Variants in RASA2 observed in about 807,000 individuals in gnomAD.
RASA2 encodes RAS p21 protein activator 2, also known as ras GTPase-activating protein 2.
In RASA2, 155 loss-of-function variants were observed where a neutral mutation model predicts 118.2. That is an observed-to-expected ratio of 1.31 (90% CI 1.15 to 1.50). The LOEUF is 1.50. RASA2 is among the 40% of genes most tolerant of loss of function. RASA2 has a pLI of 0.00. For synonymous variants in RASA2, 353 were observed against 349.1 expected (o/e 1.01, Z -0.12); for missense variants, 1,016 against 1,009.6 (o/e 1.01, Z -0.09).
intron 1 of RASA2, among the ~76,000 whole-genome samples, chr3:141,498,956 C>T (rs996509450): frequency 6.6e-6 from 1 of 152,170 alleles, no homozygotes; most frequent in Admixed American, 6.5e-5. Context: ...GATCAGCACA[C>T]ATTCAAAACT....
intron 8 of RASA2, 130 bp downstream of exon 8, chr3:141,559,092 T>A: frequency 3.2e-6 from 2 of 621,556 alleles, no homozygotes; most frequent in Non-Finnish European, 5.5e-6. Context: ...CTTAGAGGAA[T>A]ATGCAACTAA....
At chr3:141,567,340 C>G (rs1269725051) in intron 9 of RASA2, among the ~76,000 whole-genome samples, 1 of 151,988 alleles carries the variant, frequency 6.6e-6, no homozygotes, top group African/African-American at 2.4e-5. Context: ...CGCTTGAACC[C>G]GGGAGGCAGA....
rs1317469088 is a variant in RASA2, at chr3:141,586,897, A to C, written c.1933+145A>C. The C allele has an allele frequency of 6.8e-6, 5 of 734,274 alleles. No individual in the cohort carries two copies. The Admixed American group carries it at 1.0e-4, about 15-fold the overall frequency. 45.5% of individuals were successfully genotyped at this position (734,274 alleles called of 1,614,324 possible). On this transcript the variant is annotated intron_variant, in intron 19 of 23. Coordinates refer to ENST00000286364, the MANE Select transcript of RASA2 (RefSeq NM_006506.5). Reference sequence around the variant, plus strand: ...CACTGATACATACGTACTAAGAATGAAAAAATATTTGACAGTAACCCCATG... The same window carrying C: ...CACTGATACATACGTACTAAGAATGCAAAAATATTTGACAGTAACCCCATG...
chr3:141,565,232 G>T (rs565964713), intron 9 of RASA2, among the ~76,000 whole-genome samples: 1 of 152,126 alleles, frequency 6.6e-6, no homozygotes, highest in Non-Finnish European at 1.5e-5. Flanking sequence ...TGATCCACCC[G>T]CCTTGGCCTC....
rs188171367 is a variant in RASA2, at chr3:141,571,786, T to C, written c.1169+232T>C. ...TTTTTCTTTAACTCAGGAAATTTCA[T>C]TTGTTACTAATCTGCTTCTTAGTGT... On this transcript the variant is annotated intron_variant, in intron 11 of 23. Transcript: ENST00000286364. 1.4e-4 allele frequency among the ~76,000 whole-genome samples: 21 copies of C among 152,228 alleles called. No individual in the cohort carries two copies. The East Asian group carries it at 4.1e-3, about 29-fold the overall frequency.
At chr3:141,566,907 C>T (rs1473332759) in intron 9 of RASA2, among the ~76,000 whole-genome samples, 3 of 152,122 alleles carry the variant, frequency 2.0e-5, no homozygotes, top group Admixed American at 2.0e-4. Context: ...ATGTCTACTA[C>T]TAAGCCCATG....
At chr3:141,517,107 G>C (rs1470577376) in intron 3 of RASA2, among the ~76,000 whole-genome samples, 1 of 152,198 alleles carries the variant, frequency 6.6e-6, no homozygotes. Context: ...CTTACACTTA[G>C]TAAGTGTTGG....
chr3:141,522,449 C>T (rs749484579), intron 3 of RASA2, among the ~76,000 whole-genome samples: 5 of 152,076 alleles, frequency 3.3e-5, no homozygotes, highest in Admixed American at 6.6e-5. Context: ...TGAAAGTCTC[C>T]GGGAATGCCA....
At position 141,608,533 on chromosome 3, in the gene RASA2, A is replaced by G; in HGVS notation, c.2061A>G (p.Ala687=). 6.2e-7 allele frequency: 1 copy of G among 1,614,002 alleles called. No homozygotes were observed. The highest frequency in any genetic ancestry group is 8.5e-7 in the Non-Finnish European group (1 of 1,179,904). Residue 687 remains alanine (A), a synonymous_variant, in exon 21 of 24, where the codon GCA becomes GCG. Coordinates refer to ENST00000286364, the MANE Select transcript of RASA2 (RefSeq NM_006506.5). ...IHTEKPLYVQ[A]NNCVEANEWI... is the part of the protein sequence containing the mutation. ...CGGAGAAACCACTCTATGTCCAGGC[A>G]AATAACTGTGTAGAAGCTAATGAAT...
rs1353180463 is a variant in RASA2 at position 141,513,503 on chromosome 3, C to A, written c.251+1223C>A. Among the ~76,000 whole-genome samples, 5 of 152,066 alleles carry A rather than the reference C, an allele frequency of 3.3e-5. No homozygotes were observed. The East Asian group carries it at 9.6e-4, about 29-fold the overall frequency. On this transcript the variant is annotated intron_variant, in intron 2 of 23. Transcript: ENST00000286364. The stretch of plus-strand genomic sequence containing the variant: ...ATTTATAATTGTTTAGAAAATAATG[C>A]AAAGAGATACATACCTACACATGTC...
At chr3:141,598,421 T>C (rs1560060501) in intron 19 of RASA2, among the ~76,000 whole-genome samples, 1 of 152,060 alleles carries the variant, frequency 6.6e-6, no homozygotes, top group Non-Finnish European at 1.5e-5. Flanking sequence ...TTAAAGAAAA[T>C]AAAAACTCTT....
At chr3:141,580,085 A>ATATATATATATATATAT (rs1353911779) in intron 15 of RASA2, among the ~76,000 whole-genome samples, 2 of 59,598 alleles carry the variant, frequency 3.4e-5, no homozygotes, top group Non-Finnish European at 5.9e-5. Context: ...AAAAAAAAAA[A>ATATATATATATATATAT]ATATATATAT....
At chr3:141,580,196 T>C (rs1388389837) in intron 15 of RASA2, among the ~76,000 whole-genome samples, 172 bp from the exon 16 acceptor site, 2 of 149,722 alleles carry the variant, frequency 1.3e-5, no homozygotes, top group Middle Eastern at 3.2e-3. Flanking sequence ...AGTCTCTTAA[T>C]TCCTTAGGCT....
chr3:141,547,802 A>G (rs1211789649), intron 5 of RASA2, among the ~76,000 whole-genome samples: 1 of 152,188 alleles, frequency 6.6e-6, no homozygotes, highest in Non-Finnish European at 1.5e-5. Context: ...CCCATTCAGT[A>G]TGATACTAGC....
chr3:141,511,840 G>A (rs1173284500), intron 1 of RASA2, among the ~76,000 whole-genome samples: 1 of 152,120 alleles, frequency 6.6e-6, no homozygotes, highest in Non-Finnish European at 1.5e-5. Context: ...ATTTGGGAAA[G>A]AAAGATTAAT....
At chr3:141,610,137 T>G in intron 23 of RASA2, 71 bp downstream of exon 23, 2 of 1,293,186 alleles carry the variant, frequency 1.5e-6, no homozygotes, top group Non-Finnish European at 2.1e-6. Flanking sequence ...TGCCCCAACC[T>G]CACACCTCCT....
chr3:141,572,051 TATATATATATACAC>T (rs1323837438), intron 11 of RASA2, among the ~76,000 whole-genome samples: 20 of 133,888 alleles, frequency 1.5e-4, no homozygotes, highest in African/African-American at 5.8e-4. Context: ...TATATATATA[TATATATATATACAC>T]ACACACACAC....
At chr3:141,512,696 A>G (rs922463322) in intron 2 of RASA2, among the ~76,000 whole-genome samples, 5 of 152,180 alleles carry the variant, frequency 3.3e-5, no homozygotes, top group African/African-American at 1.2e-4. Flanking sequence ...GGAATATACC[A>G]CCTCTGCACC....
chr3:141,583,122 A>G (rs1577785115), intron 17 of RASA2, among the ~76,000 whole-genome samples: 1 of 152,166 alleles, frequency 6.6e-6, no homozygotes, highest in African/African-American at 2.4e-5. Context: ...TTCCTTAAGA[A>G]TTATAATAAA....
Sources: allele counts gnomAD v4.1 joint callset (sites outside exome capture counted in the v4.1 genomes callset), GRCh38; gene constraint gnomAD v4.1.1; transcripts MANE v1.5; gene names NCBI Gene and HGNC (gene_info 2026-07-23, HGNC 2026-07-21).